BNC2: variants seen among roughly 807,000 people sequenced by gnomAD.
BNC2 encodes zinc finger protein basonuclin-2.
A neutral mutation model predicts 76.3 loss-of-function variants in BNC2; 20 were observed. That is an observed-to-expected ratio of 0.26 (90% CI 0.18 to 0.38). The LOEUF is 0.38. Ranked by LOEUF, BNC2 falls within the 10% of genes least tolerant of loss-of-function variation. The pLI, the probability that BNC2 is intolerant of heterozygous loss-of-function variation, is 1.00. For missense variants in BNC2, 1,382 were observed against 1,399.8 expected, an observed-to-expected ratio of 0.99 and a Z score of 0.20; for synonymous variants, 582 against 514.8, an observed-to-expected ratio of 1.13 and a Z score of -1.77.
intron 1 of BNC2, among the ~76,000 whole-genome samples, chr9:16,783,929 T>C (rs1377890431): frequency 6.6e-6 from 1 of 152,216 alleles, no homozygotes; most frequent in Non-Finnish European, 1.5e-5. Context: ...GATACATATA[T>C]GAAAATGTTG....
intron 5 of BNC2, among the ~76,000 whole-genome samples, chr9:16,540,156 ATT>A (rs36075261): frequency 5.2e-4 from 62 of 118,464 alleles, no homozygotes; most frequent in African/African-American, 1.8e-3. Context: ...ATTTAACGTG[ATT>A]TTTTTTTTTT....
chr9:16,582,857 C>G, intron 4 of BNC2, 126 bp downstream of exon 4: 1 of 775,884 alleles, frequency 1.3e-6, no homozygotes, highest in Non-Finnish European at 2.2e-6. Context: ...CACAGCTGAC[C>G]TCTCTCTTCT....
At chr9:16,763,380 G>C (rs150517302) in intron 1 of BNC2, among the ~76,000 whole-genome samples, 52 of 151,560 alleles carry the variant, frequency 3.4e-4, no homozygotes, top group African/African-American at 1.1e-3. Flanking sequence ...GACCAGCCTG[G>C]GAAACATGAC....
intron 3 of BNC2, among the ~76,000 whole-genome samples, chr9:16,630,050 C>G (rs928157144): frequency 2.6e-5 from 4 of 152,252 alleles, no homozygotes; most frequent in African/African-American, 9.6e-5. Flanking sequence ...CTTTCAAACT[C>G]TGCCACTGCT....
chr9:16,762,621 T>C (rs1416898661), intron 1 of BNC2, among the ~76,000 whole-genome samples: 1 of 152,150 alleles, frequency 6.6e-6, no homozygotes, highest in African/African-American at 2.4e-5. Context: ...CTATTTTCAT[T>C]TTTGTGTTCC....
chr9:16,788,446 G>A (rs144805139), intron 1 of BNC2, among the ~76,000 whole-genome samples: 3,221 of 151,782 alleles, frequency 0.021, 135 homozygotes, highest in African/African-American at 0.075. Flanking sequence ...CCAGCTACTC[G>A]GGAGGCTAAG....
At chr9:16,723,153 A>C (rs1824213361) in intron 3 of BNC2, among the ~76,000 whole-genome samples, 2 of 152,144 alleles carry the variant, frequency 1.3e-5, no homozygotes, top group African/African-American at 4.8e-5. Flanking sequence ...AGTCAATTTA[A>C]TCCTTTTTTA....
intron 3 of BNC2, chr9:16,705,160 G>A (rs1048282685): frequency 7.8e-5 from 4 of 51,374 alleles, no homozygotes; most frequent in Admixed American, 1.9e-4. Flanking sequence ...CCCACCGGCC[G>A]CCACACACAC....
intron 1 of BNC2, chr9:16,867,793 A>G (rs965391257): frequency 6.6e-6 from 1 of 150,630 alleles, no homozygotes; most frequent in Non-Finnish European, 1.5e-5. Flanking sequence ...CAGTCCCACA[A>G]GGACTAACTT....
chr9:16,490,421 G>A lies in BNC2; in HGVS notation c.670-52897C>T, dbSNP rs560908289. 1.1e-4 allele frequency among the ~76,000 whole-genome samples: 16 copies of A among 152,226 alleles called. No homozygotes were observed. The East Asian group carries it at 2.9e-3, about 28-fold the overall frequency. On this transcript the variant is annotated intron_variant, in intron 5 of 6. Coordinates refer to ENST00000380672, the MANE Select transcript of BNC2 (RefSeq NM_017637.6). ...CCCTGGGTCCCTCCCACAACACGTGGGAATTCTGGGAGATACAATTCAAGT... is the reference window on the plus strand; with the variant it reads ...CCCTGGGTCCCTCCCACAACACGTGAGAATTCTGGGAGATACAATTCAAGT...
intron 1 of BNC2, among the ~76,000 whole-genome samples, chr9:16,781,018 AG>A: frequency 6.6e-6 from 1 of 152,008 alleles, no homozygotes; most frequent in Admixed American, 6.6e-5. Context: ...TGAAAAAAAA[AG>A]AGAGAGAGAA....
intron 1 of BNC2, chr9:16,868,234 A>G (rs1819591607): frequency 6.6e-6 from 1 of 152,092 alleles, no homozygotes; most frequent in African/African-American, 2.4e-5. Flanking sequence ...GACTGCAGCA[A>G]TTGCACAACC....
At chr9:16,597,180 A>G (rs1820114086) in intron 3 of BNC2, among the ~76,000 whole-genome samples, 2 of 152,198 alleles carry the variant, frequency 1.3e-5, no homozygotes, top group Non-Finnish European at 2.9e-5. Flanking sequence ...AACTAGACAG[A>G]TAAAACTTTT....
chr9:16,600,272 G>A (rs1041764140), intron 3 of BNC2, among the ~76,000 whole-genome samples: 1 of 152,150 alleles, frequency 6.6e-6, no homozygotes, highest in Non-Finnish European at 1.5e-5. Context: ...ATTTTTCACT[G>A]AAACATTATC....
chr9:16,612,110 G>T (rs1003307088), intron 3 of BNC2, among the ~76,000 whole-genome samples: 28 of 150,672 alleles, frequency 1.9e-4, no homozygotes, highest in African/African-American at 6.3e-4. Flanking sequence ...AGCTCAAATT[G>T]TGAATTGTGC....
intron 3 of BNC2, among the ~76,000 whole-genome samples, chr9:16,672,250 C>T (rs555532065): frequency 2.5e-4 from 38 of 152,304 alleles, no homozygotes; most frequent in South Asian, 6.2e-4. Context: ...GTAATCCCAG[C>T]ACTTTGGGAG....
chr9:16,680,217 T>C (rs1165597606), intron 3 of BNC2, among the ~76,000 whole-genome samples: 1 of 147,742 alleles, frequency 6.8e-6, no homozygotes, highest in Non-Finnish European at 1.5e-5. Flanking sequence ...CAGGGGCTTT[T>C]GTTGTTGTTG....
intron 3 of BNC2, among the ~76,000 whole-genome samples, chr9:16,664,690 GA>G (rs199661319): frequency 0.021 from 2,904 of 137,874 alleles, 92 homozygotes; most frequent in African/African-American, 0.076. Flanking sequence ...GGGTATTCAG[GA>G]AAAAAACAAA....
chr9:16,713,631 T>A (rs1289858794), intron 3 of BNC2, among the ~76,000 whole-genome samples: 1 of 152,086 alleles, frequency 6.6e-6, no homozygotes, highest in African/African-American at 2.4e-5. Context: ...CAAAAGTATG[T>A]CAACTTAGAA....
Sources: gnomAD v4.1 joint callset for allele counts (sites outside exome capture counted in the v4.1 genomes callset) on GRCh38, gnomAD v4.1.1 for gene constraint, MANE v1.5 for transcripts, NCBI Gene and HGNC (gene_info 2026-07-23, HGNC 2026-07-21) for gene names.